MTMR9: variants seen among roughly 807,000 people sequenced by gnomAD.
The protein encoded by MTMR9 is myotubularin-related protein 9.
MTMR9 carries 39 observed loss-of-function variants against 69.5 expected under a neutral mutation model. The observed-to-expected ratio is 0.56, with a 90% CI of 0.43 to 0.73. MTMR9 has a LOEUF of 0.73. Ranked by LOEUF, MTMR9 falls within the 30% of genes least tolerant of loss-of-function variation. MTMR9 has a pLI of 0.00. For missense variants in MTMR9, 900 were observed against 671.2 expected (o/e 1.34, Z -3.77); for synonymous variants, 354 against 240.8 (o/e 1.47, Z -4.35).
At position 11,319,619 on chromosome 8, in the gene MTMR9, T is replaced by A; in HGVS notation, c.1335-68T>A. 7.2e-6 allele frequency: 11 copies of A among 1,519,298 alleles called. No homozygotes were observed. The South Asian group carries it at 1.2e-4, about 17-fold the overall frequency. 94.1% of individuals were successfully genotyped at this position (1,519,298 alleles called of 1,614,324 possible). ...TCATACTGAGAAGAAATTGTCCTCGTAAGAGGAGCACTCAATAATGGTTGT... is the reference window on the plus strand; with the variant it reads ...TCATACTGAGAAGAAATTGTCCTCGAAAGAGGAGCACTCAATAATGGTTGT... On this transcript the variant is annotated intron_variant, in intron 8 of 9. Transcript: ENST00000221086.
chr8:11,314,557 A>G (rs930018252), intron 6 of MTMR9, among the ~76,000 whole-genome samples: 1 of 152,206 alleles, frequency 6.6e-6, no homozygotes, highest in African/African-American at 2.4e-5. Flanking sequence ...GCTTTAACCA[A>G]CGATTAAAGC....
chr8:11,328,097 A>T lies in MTMR9; in HGVS notation c.*5309A>T, dbSNP rs996475784. On this transcript the variant is annotated 3_prime_UTR_variant, in exon 10 of 10. Transcript: ENST00000221086. ...CACAGATGGCTAGTGTTAAATTTCTATAGACGATGGTAATAAAATCTGAAT... is the reference window on the plus strand; with the variant it reads ...CACAGATGGCTAGTGTTAAATTTCTTTAGACGATGGTAATAAAATCTGAAT... 1 of 152,184 alleles carries T rather than the reference A, an allele frequency of 6.6e-6. No homozygotes were observed. The highest frequency in any genetic ancestry group is 1.5e-5 in the Non-Finnish European group (1 of 68,026). 9.4% of individuals were successfully genotyped at this position (152,184 alleles called of 1,614,324 possible).
chr8:11,337,217 A>G, the MTMR9 span, among the ~76,000 whole-genome samples: 733 of 152,300 alleles, frequency 4.8e-3, 5 homozygotes, highest in African/African-American at 0.013. Flanking sequence ...GCCACTCAGA[A>G]CCAGCAGACT....
At chr8:11,311,693 C>T (rs948552708) in intron 6 of MTMR9, among the ~76,000 whole-genome samples, 1 of 152,148 alleles carries the variant, frequency 6.6e-6, no homozygotes, top group Non-Finnish European at 1.5e-5. Context: ...ATGGCTGTGG[C>T]AATTTCTTAG....
chr8:11,304,805 T>C (rs986805430), intron 3 of MTMR9, 36 bp from the exon 4 acceptor site: 1 of 1,597,358 alleles, frequency 6.3e-7, no homozygotes, highest in African/African-American at 1.3e-5. Flanking sequence ...GACATTGAGA[T>C]AGTTGCTTAG....
chr8:11,285,188 C>T (rs1179713067), intron 1 of MTMR9, 118 bp downstream of exon 1: 1 of 986,714 alleles, frequency 1.0e-6, no homozygotes, highest in Non-Finnish European at 1.4e-6. Flanking sequence ...GCAAGATGAG[C>T]CCTCTGTGGC....
chr8:11,320,222 A>G (rs1223621077), intron 9 of MTMR9: 2 of 173,922 alleles, frequency 1.1e-5, no homozygotes, highest in African/African-American at 4.8e-5. Context: ...CTTGTATTAA[A>G]TGGTATTAAA....
chr8:11,322,848 T>C lies in MTMR9; in HGVS notation c.*60T>C. On this transcript the variant is annotated 3_prime_UTR_variant, in exon 10 of 10. Transcript: ENST00000221086. ...GGGCCTGTGTCCGCCGTTCTCTCCTTGTGCCCTTCAGTTCACTTTTACACG... is the reference window on the plus strand; with the variant it reads ...GGGCCTGTGTCCGCCGTTCTCTCCTCGTGCCCTTCAGTTCACTTTTACACG... 2.0e-6 allele frequency: 3 copies of C among 1,513,452 alleles called. No individual in the cohort carries two copies. Among genetic ancestry groups the C allele is most frequent in the African/African-American group, 1.4e-5 (1 of 72,084 alleles). The allele number at this position is 1,513,452 out of a possible 1,614,324, so 93.8% of individuals were successfully genotyped here.
At position 11,322,662 on chromosome 8, in the gene MTMR9, G is replaced by T. The variant is rs1390968193; in HGVS notation, c.1524G>T (p.Leu508Phe). 2.5e-6 allele frequency: 4 copies of T among 1,613,550 alleles called. No homozygotes were observed. In the African/African-American group the frequency reaches 5.3e-5, roughly 22 times the overall value. ...FLRWNRSSKYLDEAYEEMVNI... is the reference protein window; with the variant it reads ...FLRWNRSSKYFDEAYEEMVNI... ...GTTGGAATAGATCCTCTAAGTATTT[G>T]GATGAAGCATATGAAGAAATGGTTA... Residue 508 changes from leucine to phenylalanine, a missense_variant, in exon 10 of 10, where the codon TTG (leucine) becomes TTT (phenylalanine). Coordinates refer to ENST00000221086, the MANE Select transcript of MTMR9 (RefSeq NM_015458.4).
intron 1 of MTMR9, among the ~76,000 whole-genome samples, chr8:11,294,423 T>G (rs1258221867): frequency 1.3e-5 from 2 of 152,078 alleles, no homozygotes; most frequent in African/African-American, 2.4e-5. Context: ...CCCTTCTGTT[T>G]CAAATTTGCT....
Position 11,322,615 on chromosome 8 carries a change from G to T in MTMR9, c.1487-10G>T. On this transcript the variant is annotated splice_polypyrimidine_tract_variant and intron_variant, in intron 9 of 9. Transcript: ENST00000221086. ...TTCTTGCTTCTGTTTTCCATTCCTG[G>T]ATTCAATAGGTATTTTCCTACGTTG... 2 of 1,611,478 alleles carry T rather than the reference G, an allele frequency of 1.2e-6. No homozygotes were observed. The highest frequency in any genetic ancestry group is 8.5e-7 in the Non-Finnish European group (1 of 1,178,694).
Position 11,324,231 on chromosome 8 carries a change from C to T in MTMR9, c.*1443C>T, listed in dbSNP as rs1800821828. 1 of 152,194 alleles carries T rather than the reference C, an allele frequency of 6.6e-6. No individual in the cohort carries two copies. The allele number at this position is 152,194 out of a possible 1,614,324, so 9.4% of individuals were successfully genotyped here. ...AATTGACTAGCAAAATCTATGGCCA[C>T]ACTGAGAAGCCTTTGAAAATGGCAA... On this transcript the variant is annotated 3_prime_UTR_variant, in exon 10 of 10. Coordinates refer to ENST00000221086, the MANE Select transcript of MTMR9 (RefSeq NM_015458.4).
intron 7 of MTMR9, 99 bp from the exon 8 acceptor site, chr8:11,316,574 C>G (rs912324671): frequency 1.4e-5 from 9 of 657,220 alleles, no homozygotes; most frequent in Non-Finnish European, 2.3e-5. Context: ...GTTCCAGGTA[C>G]TAGGAGTGTC....
chr8:11,288,799 G>A (rs560853364), intron 1 of MTMR9, among the ~76,000 whole-genome samples: 1 of 152,336 alleles, frequency 6.6e-6, no homozygotes, highest in Non-Finnish European at 1.5e-5. Flanking sequence ...GACAATTCTG[G>A]CTGCTGGCAG....
chr8:11,336,412 C>G, the MTMR9 span, among the ~76,000 whole-genome samples: 1,079 of 152,320 alleles, frequency 7.1e-3, 14 homozygotes, highest in African/African-American at 0.025. Context: ...TGAAAACCTC[C>G]TCTGTATTAG....
At chr8:11,301,363 A>G (rs112274381) in intron 3 of MTMR9, among the ~76,000 whole-genome samples, 2,760 of 152,350 alleles carry the variant, frequency 0.018, 36 homozygotes, top group Non-Finnish European at 0.026. Flanking sequence ...CTTAATGCTC[A>G]GTTGATTTTT....
rs1053669198 is a variant in MTMR9 at position 11,324,643 on chromosome 8, T to G, written c.*1855T>G. 1 of 152,216 alleles carries G rather than the reference T, an allele frequency of 6.6e-6. No homozygotes were observed. The highest frequency in any genetic ancestry group is 6.5e-5 in the Admixed American group (1 of 15,282). The allele number at this position is 152,216 out of a possible 1,614,324, so 9.4% of individuals were successfully genotyped here. Reference sequence around the variant, plus strand: ...TCAAGATTGTATATGAAGGAGGCTTTTCTTCTCAGCTAACAGGCATATAAG... The same window carrying G: ...TCAAGATTGTATATGAAGGAGGCTTGTCTTCTCAGCTAACAGGCATATAAG... On this transcript the variant is annotated 3_prime_UTR_variant, in exon 10 of 10. Coordinates refer to ENST00000221086, the MANE Select transcript of MTMR9 (RefSeq NM_015458.4).
rs1362772311 is a variant in MTMR9, at chr8:11,326,943, C to G, written c.*4155C>G. ...CGAGATCGCACCACTGCACTCCAGC[C>G]TGGGCGAAAGGGCAAGACTCCATCT... On this transcript the variant is annotated 3_prime_UTR_variant, in exon 10 of 10. Coordinates refer to ENST00000221086, the MANE Select transcript of MTMR9 (RefSeq NM_015458.4). 7.0e-6 allele frequency: 1 copy of G among 143,456 alleles called. No homozygotes were observed. Among genetic ancestry groups the G allele is most frequent in the African/African-American group, 2.6e-5 (1 of 38,284 alleles). The allele number at this position is 143,456 out of a possible 1,614,324, so 8.9% of individuals were successfully genotyped here. A position where few individuals can be genotyped will look rare whatever the true frequency, so the allele number is the denominator to read the frequency against.
In MTMR9 at chr8:11,300,074, C is replaced by A. The variant is rs1482805431; in HGVS notation, c.343C>A (p.Pro115Thr). 1 of 1,613,550 alleles carries A rather than the reference C, an allele frequency of 6.2e-7. No homozygotes were observed. The highest frequency in any genetic ancestry group is 2.2e-5 in the East Asian group (1 of 44,860). ...TCTGATGTACCCTTTCTTTTACCGTCCTATGTTTGAAGTGATAGAAGATGG... is the reference window on the plus strand; with the variant it reads ...TCTGATGTACCCTTTCTTTTACCGTACTATGTTTGAAGTGATAGAAGATGG... The part of the protein sequence containing the change: ...ITLMYPFFYR[P>T]MFEVIEDGWH... The change falls in exon 3 of 10, where the codon CCT becomes ACT. Residue 115 changes from proline (P) to threonine (T), a missense_variant. Coordinates refer to ENST00000221086, the MANE Select transcript of MTMR9 (RefSeq NM_015458.4).
Sources: allele counts gnomAD v4.1 joint callset (sites outside exome capture counted in the v4.1 genomes callset), GRCh38; gene constraint gnomAD v4.1.1; transcripts MANE v1.5; gene names NCBI Gene and HGNC (gene_info 2026-07-23, HGNC 2026-07-21).